Variants in THSD7A observed in about 807,000 individuals in gnomAD.
THSD7A encodes thrombospondin type 1 domain containing 7A.
A neutral mutation model predicts 231.3 loss-of-function variants in THSD7A; 96 were observed. That is an observed-to-expected ratio of 0.41 (90% CI 0.35 to 0.49). The LOEUF (loss-of-function observed/expected upper bound fraction) is 0.49, where lower values mean the gene tolerates loss of function less well. THSD7A is among the 20% of genes least tolerant of loss of function. The pLI, the probability that THSD7A is intolerant of heterozygous loss-of-function variation, is 0.05. For missense variants in THSD7A, 2,290 were observed against 2,070.2 expected (o/e 1.11, Z -2.06); for synonymous variants, 940 against 743.3 (o/e 1.26, Z -4.30).
chr7:11,620,708 G>A (rs1781275247), intron 2 of THSD7A, among the ~76,000 whole-genome samples: 1 of 152,162 alleles, frequency 6.6e-6, no homozygotes, highest in Non-Finnish European at 1.5e-5. Context: ...TCCTACACAT[G>A]AATGATATGA....
intron 1 of THSD7A, among the ~76,000 whole-genome samples, chr7:11,819,623 A>C (rs1784809721): frequency 6.6e-6 from 1 of 152,210 alleles, no homozygotes; most frequent in Non-Finnish European, 1.5e-5. Flanking sequence ...ACAAATATGG[A>C]GACAGTAAAA....
intron 6 of THSD7A, among the ~76,000 whole-genome samples, chr7:11,500,721 C>T (rs13223466): frequency 0.55 from 82,844 of 151,634 alleles, 23,229 homozygotes; most frequent in Admixed American, 0.65. Context: ...GGGTGGATCA[C>T]GAGGTAGGTT....
At chr7:11,733,168 A>G (rs555545898) in intron 1 of THSD7A, among the ~76,000 whole-genome samples, 1 of 151,976 alleles carries the variant, frequency 6.6e-6, no homozygotes, top group East Asian at 2.0e-4. Flanking sequence ...ATAAAAATCA[A>G]TCAGTGAATT....
chr7:11,570,837 G>A (rs1790594326), intron 4 of THSD7A, among the ~76,000 whole-genome samples: 1 of 152,178 alleles, frequency 6.6e-6, no homozygotes, highest in Non-Finnish European at 1.5e-5. Context: ...TCCCCTTGAT[G>A]GGGGACCAGT....
At chr7:11,476,168 T>G (rs2128302965) in intron 7 of THSD7A, among the ~76,000 whole-genome samples, 1 of 152,218 alleles carries the variant, frequency 6.6e-6, no homozygotes, top group African/African-American at 2.4e-5. Flanking sequence ...GCTTAAGTAT[T>G]AAAATGTTGC....
intron 23 of THSD7A, among the ~76,000 whole-genome samples, chr7:11,391,062 A>G (rs1362153129): frequency 6.6e-6 from 1 of 152,152 alleles, no homozygotes; most frequent in East Asian, 1.9e-4. Flanking sequence ...CCCAGTCAGG[A>G]GACGTGGGGT....
intron 4 of THSD7A, among the ~76,000 whole-genome samples, chr7:11,570,656 T>C (rs1583997528): frequency 1.3e-5 from 2 of 152,188 alleles, no homozygotes; most frequent in East Asian, 3.9e-4. Context: ...CTTTTTAATA[T>C]TTTACATCAT....
intron 1 of THSD7A, among the ~76,000 whole-genome samples, chr7:11,685,032 A>T (rs1350395671): frequency 6.6e-6 from 1 of 152,030 alleles, no homozygotes; most frequent in Non-Finnish European, 1.5e-5. Flanking sequence ...AAACACATAG[A>T]TCATTGGAAC....
intron 4 of THSD7A, among the ~76,000 whole-genome samples, chr7:11,562,241 G>A (rs1027564117): frequency 1.1e-4 from 17 of 151,646 alleles, no homozygotes; most frequent in African/African-American, 4.1e-4. Context: ...ATGTACAAAT[G>A]TACATTTTTA....
intron 16 of THSD7A, among the ~76,000 whole-genome samples, chr7:11,419,156 C>T (rs1377671015): frequency 1.3e-5 from 2 of 152,162 alleles, no homozygotes; most frequent in African/African-American, 4.8e-5. Context: ...AGATATCCAA[C>T]ACTCTATTAA....
chr7:11,521,564 A>C (rs1432808978), intron 6 of THSD7A, among the ~76,000 whole-genome samples: 2 of 142,996 alleles, frequency 1.4e-5, no homozygotes, highest in Non-Finnish European at 3.0e-5. Context: ...ATATGTATAC[A>C]TGTGCCATGC....
chr7:11,510,165 C>A (rs879664333), intron 6 of THSD7A, among the ~76,000 whole-genome samples: 1 of 152,066 alleles, frequency 6.6e-6, no homozygotes, highest in Admixed American at 6.6e-5. Flanking sequence ...CAGTCAACGA[C>A]TGGATAAAGA....
At chr7:11,459,594 T>A (rs1785424584) in intron 11 of THSD7A, among the ~76,000 whole-genome samples, 1 of 149,456 alleles carries the variant, frequency 6.7e-6, no homozygotes, top group African/African-American at 2.4e-5. Context: ...ACTAGCAATT[T>A]AAGATTATTT....
chr7:11,744,438 T>C (rs549060189), intron 1 of THSD7A, among the ~76,000 whole-genome samples: 4 of 151,694 alleles, frequency 2.6e-5, no homozygotes, highest in Non-Finnish European at 1.5e-5. Flanking sequence ...TTTTTTATTT[T>C]TATTTTTTTA....
intron 1 of THSD7A, among the ~76,000 whole-genome samples, chr7:11,660,246 G>C (rs1027897179): frequency 6.6e-6 from 1 of 151,556 alleles, no homozygotes; most frequent in African/African-American, 2.4e-5. Context: ...GTTCAAAAGA[G>C]ATATGGTTAC....
chr7:11,495,420 A>G (rs1262549057), intron 6 of THSD7A, among the ~76,000 whole-genome samples: 1 of 152,136 alleles, frequency 6.6e-6, no homozygotes, highest in Non-Finnish European at 1.5e-5. Context: ...CAGCACTTAT[A>G]CGTGAATGCT....
At chr7:11,408,712 T>C (rs993853255) in intron 19 of THSD7A, among the ~76,000 whole-genome samples, 3 of 152,170 alleles carry the variant, frequency 2.0e-5, no homozygotes, top group Non-Finnish European at 4.4e-5. Context: ...AGTATAGCTC[T>C]TAGCTCTAAG....
chr7:11,713,655 G>A (rs2355068), intron 1 of THSD7A, among the ~76,000 whole-genome samples: 101,308 of 150,874 alleles, frequency 0.67, 35,214 homozygotes, highest in African/African-American at 0.86. Flanking sequence ...TTAAGGAAAG[G>A]AGTGGACCTC....
intron 1 of THSD7A, among the ~76,000 whole-genome samples, chr7:11,744,619 T>G (rs1382747599): frequency 2.7e-5 from 3 of 110,406 alleles, no homozygotes; most frequent in Non-Finnish European, 5.2e-5. Context: ...CAGGCCCCAG[T>G]GTGTGATGTT....
Sources: gnomAD v4.1 joint callset for allele counts (sites outside exome capture counted in the v4.1 genomes callset) on GRCh38, gnomAD v4.1.1 for gene constraint, MANE v1.5 for transcripts, NCBI Gene and HGNC (gene_info 2026-07-23, HGNC 2026-07-21) for gene names.